The following KALRN variants were observed in gnomAD, a reference collection of about 807,000 sequenced individuals.
KALRN encodes the protein kalirin RhoGEF kinase.
A neutral mutation model predicts 353.7 loss-of-function variants in KALRN; 70 were observed. The observed-to-expected ratio is 0.20, with a 90% CI of 0.16 to 0.24. The LOEUF (loss-of-function observed/expected upper bound fraction) is 0.24. Ranked by LOEUF, KALRN falls within the 10% of genes least tolerant of loss-of-function variation. KALRN has a pLI of 1.00. For synonymous variants in KALRN, 1,391 were observed against 1,434.8 expected, an observed-to-expected ratio of 0.97 and a Z score of 0.69; for missense variants, 2,791 against 3,756.7, an observed-to-expected ratio of 0.74 and a Z score of 6.72.
chr3:124,408,280 TAGA>T (rs930797713), intron 13 of KALRN, among the ~76,000 whole-genome samples: 29 of 152,300 alleles, frequency 1.9e-4, no homozygotes, highest in African/African-American at 6.7e-4. Flanking sequence ...GTTTTTGTTT[TAGA>T]AGAAGAAGAA....
chr3:124,146,665 G>A (rs1340907792), intron 1 of KALRN, among the ~76,000 whole-genome samples: 2 of 151,994 alleles, frequency 1.3e-5, no homozygotes, highest in African/African-American at 4.8e-5. Context: ...ATCACTTGAG[G>A]CCAGGAGTTT....
intron 39 of KALRN, among the ~76,000 whole-genome samples, chr3:124,656,950 T>C (rs898559328): frequency 6.6e-6 from 1 of 152,126 alleles, no homozygotes; most frequent in Admixed American, 6.5e-5. Context: ...ACATCAGTGG[T>C]GCGATTATGG....
At chr3:124,242,500 G>A (rs2080593432) in intron 3 of KALRN, among the ~76,000 whole-genome samples, 1 of 152,138 alleles carries the variant, frequency 6.6e-6, no homozygotes, top group Non-Finnish European at 1.5e-5. Flanking sequence ...CAGAGTGAGA[G>A]GACTGATTTG....
intron 19 of KALRN, among the ~76,000 whole-genome samples, 159 bp from the exon 20 acceptor site, chr3:124,446,002 A>C (rs1410061238): frequency 1.3e-5 from 2 of 152,168 alleles, no homozygotes; most frequent in Non-Finnish European, 2.9e-5. Flanking sequence ...TCCTTTCTGT[A>C]TCCAGCTTTT....
chr3:124,369,087 A>T (rs953920184), intron 10 of KALRN, among the ~76,000 whole-genome samples: 23 of 151,558 alleles, frequency 1.5e-4, no homozygotes, highest in African/African-American at 5.3e-4. Context: ...GGGAGAGGAC[A>T]CTCTTTTGTC....
intron 1 of KALRN, among the ~76,000 whole-genome samples, chr3:124,056,174 G>A (rs1347875631): frequency 6.6e-6 from 1 of 152,186 alleles, no homozygotes; most frequent in Non-Finnish European, 1.5e-5. Context: ...TGCCTTGCAG[G>A]TCTTGTGTAT....
intron 49 of KALRN, among the ~76,000 whole-genome samples, chr3:124,675,796 T>C (rs2087121089): frequency 6.6e-6 from 1 of 152,114 alleles, no homozygotes; most frequent in South Asian, 2.1e-4. Context: ...CTCCGCTGCT[T>C]TCCCCTGCTG....
chr3:124,467,091 G>A (rs1485516520), intron 25 of KALRN, among the ~76,000 whole-genome samples: 1 of 152,190 alleles, frequency 6.6e-6, no homozygotes, highest in Non-Finnish European at 1.5e-5. Flanking sequence ...ATTTGGCCTT[G>A]GCCACCAGCC....
At chr3:124,497,242 A>G (rs186516576) in intron 33 of KALRN, among the ~76,000 whole-genome samples, 2 of 152,278 alleles carry the variant, frequency 1.3e-5, no homozygotes, top group East Asian at 3.9e-4. Flanking sequence ...AGAGTATGAG[A>G]TGATCTTTTG....
chr3:124,633,389 A>G (rs13064861), intron 35 of KALRN, among the ~76,000 whole-genome samples: 24,699 of 152,158 alleles, frequency 0.16, 2,545 homozygotes, highest in Middle Eastern at 0.28. Flanking sequence ...TTGGCACACA[A>G]TCCTGCTCTA....
chr3:124,418,268 G>A (rs1378809739), intron 14 of KALRN, among the ~76,000 whole-genome samples: 3 of 152,094 alleles, frequency 2.0e-5, no homozygotes, highest in East Asian at 1.9e-4. Flanking sequence ...TTAACCTGTC[G>A]GTAGATTGAG....
At chr3:124,359,051 G>A (rs981611851) in intron 10 of KALRN, among the ~76,000 whole-genome samples, 1 of 152,212 alleles carries the variant, frequency 6.6e-6, no homozygotes, top group Non-Finnish European at 1.5e-5. Context: ...CACTGTGGCT[G>A]TAGGACCCCT....
chr3:124,225,202 T>A (rs2078342444), intron 1 of KALRN, among the ~76,000 whole-genome samples: 1 of 152,204 alleles, frequency 6.6e-6, no homozygotes, highest in African/African-American at 2.4e-5. Context: ...GGTCACCAAT[T>A]TCTGAGCTGC....
intron 5 of KALRN, among the ~76,000 whole-genome samples, chr3:124,276,425 C>T (rs1486075382): frequency 1.3e-5 from 2 of 152,146 alleles, no homozygotes; most frequent in Non-Finnish European, 2.9e-5. Context: ...CTCCCTAGAG[C>T]CCAAAACAGG....
At chr3:124,108,303 A>G (rs1421120037) in intron 1 of KALRN, among the ~76,000 whole-genome samples, 1 of 152,198 alleles carries the variant, frequency 6.6e-6, no homozygotes, top group Non-Finnish European at 1.5e-5. Flanking sequence ...TACTCCAGCC[A>G]CCAAAAGGCA....
Position 124,509,525 on chromosome 3 carries a change from G to C in KALRN, c.4935+13112G>C, listed in dbSNP as rs181205323. 2.9e-3 allele frequency among the ~76,000 whole-genome samples: 438 copies of C among 152,248 alleles called. 2 individuals carry two copies. Among genetic ancestry groups the C allele is most frequent in the African/African-American group, 9.8e-3 (406 of 41,550 alleles). On this transcript the variant is annotated intron_variant, in intron 33 of 59. Coordinates refer to ENST00000682506, the MANE Select transcript of KALRN (RefSeq NM_001388419.1). ...TCCCAACCACATTTAGTATTTTAGGGTACAGTTCACCATTTGTTTCTCCAC... is the reference window on the plus strand; with the variant it reads ...TCCCAACCACATTTAGTATTTTAGGCTACAGTTCACCATTTGTTTCTCCAC...
intron 1 of KALRN, chr3:124,152,061 A>G (rs2068180795): frequency 2.2e-6 from 3 of 1,363,020 alleles, no homozygotes; most frequent in African/African-American, 2.9e-5. Context: ...TCTCATGGAG[A>G]AGATAATTTA....
intron 1 of KALRN, among the ~76,000 whole-genome samples, chr3:124,056,933 A>G (rs1478270634): frequency 1.3e-5 from 2 of 152,214 alleles, no homozygotes; most frequent in Non-Finnish European, 2.9e-5. Context: ...CTCTTAGTCT[A>G]TAAAGAGGAT....
chr3:124,447,876 C>A (rs2150694678), intron 21 of KALRN, among the ~76,000 whole-genome samples: 1 of 152,240 alleles, frequency 6.6e-6, no homozygotes, highest in Non-Finnish European at 1.5e-5. Context: ...TTGTCTAATG[C>A]AAAAAGCTAT....
Sources: gnomAD v4.1 joint callset for allele counts (sites outside exome capture counted in the v4.1 genomes callset) on GRCh38, gnomAD v4.1.1 for gene constraint, MANE v1.5 for transcripts, NCBI Gene and HGNC (gene_info 2026-07-23, HGNC 2026-07-21) for gene names.